CCND2: variants seen among roughly 807,000 people sequenced by gnomAD.
The protein encoded by CCND2 is cyclin D2, also known as G1/S-specific cyclin-D2.
CCND2 carries 6 observed loss-of-function variants against 30.2 expected under a neutral mutation model. That is an observed-to-expected ratio of 0.20 (90% CI 0.11 to 0.39). The LOEUF is 0.39. Among genes scored for constraint, CCND2 ranks in the 10% least tolerant of loss-of-function variants. The probability of loss-of-function intolerance (pLI) is 1.00; values close to 1 mark genes in which losing one functional copy is unlikely to be tolerated. For synonymous variants in CCND2, 150 were observed against 153.1 expected, an observed-to-expected ratio of 0.98 and a Z score of 0.15; for missense variants, 235 against 373.4, an observed-to-expected ratio of 0.63 and a Z score of 3.06.
rs3217795 is a variant in CCND2 at position 4,276,898 on chromosome 12, A to G, written c.411+678A>G. Among the ~76,000 whole-genome samples, 11,159 of 152,244 alleles carry G rather than the reference A, an allele frequency of 0.073. 472 individuals are homozygous for G. The highest frequency in any genetic ancestry group is 0.18 in the Middle Eastern group (53 of 294). ...ACTCCTTTTCCCTGCAGCTTGACATATAAGACGACCATATTGCAGCTGTAC... is the reference window on the plus strand; with the variant it reads ...ACTCCTTTTCCCTGCAGCTTGACATGTAAGACGACCATATTGCAGCTGTAC... On this transcript the variant is annotated intron_variant, in intron 2 of 4. Coordinates refer to ENST00000261254, the MANE Select transcript of CCND2 (RefSeq NM_001759.4). This position sits in a 1 kb window ranked among gnomAD's most constrained non-coding sequence, Gnocchi z 4.8.
chr12:4,296,778 C>T (rs781026661), intron 4 of CCND2, among the ~76,000 whole-genome samples: 6 of 151,570 alleles, frequency 4.0e-5, no homozygotes, highest in Non-Finnish European at 7.4e-5. Context: ...GAACATTACA[C>T]GTGAACTTCC....
intron 2 of CCND2, 21 bp from the exon 3 acceptor site, chr12:4,278,739 T>A: frequency 6.2e-7 from 1 of 1,612,856 alleles, no homozygotes; most frequent in South Asian, 1.1e-5. Flanking sequence ...TCTCCTCTTC[T>A]CTTCCTGCCT....
chr12:4,296,139 G>T (rs1018475904), intron 4 of CCND2, among the ~76,000 whole-genome samples: 1 of 152,258 alleles, frequency 6.6e-6, no homozygotes, highest in South Asian at 2.1e-4. Context: ...GCCTGAAACC[G>T]AGTTCTTTCG....
intron 3 of CCND2, among the ~76,000 whole-genome samples, chr12:4,280,515 T>C (rs1470537411): frequency 6.6e-6 from 1 of 152,254 alleles, no homozygotes; most frequent in African/African-American, 2.4e-5. Context: ...CCTGCAGCCC[T>C]GGGGGCGGTT....
intron 4 of CCND2, among the ~76,000 whole-genome samples, chr12:4,295,576 A>T (rs1834536558): frequency 6.6e-6 from 1 of 152,186 alleles, no homozygotes. Context: ...CAGGAGTTCG[A>T]GACCAGCCTG....
chr12:4,297,285 T>C (rs1864183409), intron 4 of CCND2, among the ~76,000 whole-genome samples: 2 of 152,136 alleles, frequency 1.3e-5, no homozygotes, highest in African/African-American at 4.8e-5. Context: ...AACATTATAC[T>C]TTCAGGCCGG....
At chr12:4,296,020 C>T (rs1864163825) in intron 4 of CCND2, among the ~76,000 whole-genome samples, 1 of 152,216 alleles carries the variant, frequency 6.6e-6, no homozygotes, top group South Asian at 2.1e-4. Context: ...CCAGTCCTCC[C>T]TGTAGGGTTT....
At chr12:4,297,884 G>A in intron 4 of CCND2, 2 of 448,204 alleles carry the variant, frequency 4.5e-6, no homozygotes, top group Non-Finnish European at 9.0e-6. Context: ...GGGTGGCACG[G>A]AGACTCCTGC....
In CCND2 at chr12:4,282,671, C is replaced by T. The variant is rs1283987348; in HGVS notation, c.571+3752C>T. ...AGCAGCCAGGCAGTGTGGTGCTTGCCATCGCTCTTCCCTCTGGCTGTAAGA... is the reference window on the plus strand; with the variant it reads ...AGCAGCCAGGCAGTGTGGTGCTTGCTATCGCTCTTCCCTCTGGCTGTAAGA... On this transcript the variant is annotated intron_variant, in intron 3 of 4. Transcript: ENST00000261254. This position sits in a 1 kb window ranked among gnomAD's most constrained non-coding sequence, Gnocchi z 4.3. Among the ~76,000 whole-genome samples, 3 of 152,212 alleles carry T rather than the reference C, an allele frequency of 2.0e-5. No homozygotes were observed. The highest frequency in any genetic ancestry group is 2.9e-5 in the Non-Finnish European group (2 of 68,034).
Position 4,305,264 on chromosome 12 carries a change from GT to G in CCND2, c.*5259del. On this transcript the variant is annotated 3_prime_UTR_variant, in exon 5 of 5. Transcript: ENST00000261254. This position sits in a 1 kb window ranked among gnomAD's most constrained non-coding sequence, Gnocchi z 6.4. The stretch of plus-strand genomic sequence containing the variant: ...AAGTGATTTAAAAAAATAATAACCT[GT>G]TTTCTGACTAGTTTAAAGATGGATT... The G allele has an allele frequency of 4.3e-6, 1 of 231,466 alleles. No homozygotes were observed. The highest frequency in any genetic ancestry group is 8.5e-6 in the Non-Finnish European group (1 of 116,980). 14.3% of individuals were successfully genotyped at this position (231,466 alleles called of 1,614,324 possible). A position where few individuals can be genotyped will look rare whatever the true frequency, so the allele number is the denominator to read the frequency against.
chr12:4,288,814 C>A, intron 3 of CCND2, 28 bp from the exon 4 acceptor site: 1 of 1,596,996 alleles, frequency 6.3e-7, no homozygotes, highest in South Asian at 1.1e-5. Context: ...GTTCTGTGCC[C>A]TGACCTTCTG....
At position 4,301,858 on chromosome 12, in the gene CCND2, C is replaced by G. The variant is rs1352418800; in HGVS notation, c.*1849C>G. ...GAAGTAGATGGTTGAGATATGAGTT[C>G]TTCGTACTGGAAAAGCCCTTCCGTA... On this transcript the variant is annotated 3_prime_UTR_variant, in exon 5 of 5. Coordinates refer to ENST00000261254, the MANE Select transcript of CCND2 (RefSeq NM_001759.4). The G allele has an allele frequency of 1.3e-5, 3 of 230,344 alleles. No individual in the cohort carries two copies. The highest frequency in any genetic ancestry group is 4.5e-5 in the African/African-American group (2 of 44,580). 14.3% of individuals were successfully genotyped at this position (230,344 alleles called of 1,614,324 possible).
rs972972351 is a variant in CCND2 at position 4,301,002 on chromosome 12, G to A, written c.*993G>A. 1 of 233,546 alleles carries A rather than the reference G, an allele frequency of 4.3e-6. No individual in the cohort carries two copies. The allele number at this position is 233,546 out of a possible 1,614,324, so 14.5% of individuals were successfully genotyped here. On this transcript the variant is annotated 3_prime_UTR_variant, in exon 5 of 5. Transcript: ENST00000261254. ...GCACTTTGAAAAATTGTTCCCGAGC[G>A]ATAGATGGGATGGTTTATGCAAGTC...
At chr12:4,277,655 T>C (rs796386846) in intron 2 of CCND2, among the ~76,000 whole-genome samples, 11 of 152,346 alleles carry the variant, frequency 7.2e-5, no homozygotes, top group African/African-American at 2.6e-4. Flanking sequence ...GGAAGAGTCC[T>C]ATTTTACAAA....
chr12:4,280,607 C>T (rs1863935536), intron 3 of CCND2, among the ~76,000 whole-genome samples: 1 of 151,174 alleles, frequency 6.6e-6, no homozygotes, highest in African/African-American at 2.5e-5. Flanking sequence ...GGCCCGGGCC[C>T]GAGAGGTCAG....
intron 3 of CCND2, among the ~76,000 whole-genome samples, chr12:4,279,221 T>C (rs1383667924): frequency 6.6e-6 from 1 of 152,240 alleles, no homozygotes; most frequent in Non-Finnish European, 1.5e-5. Context: ...GAAGATTACA[T>C]ATACTGCTCA....
chr12:4,301,713 GC>G lies in CCND2; in HGVS notation c.*1705del, dbSNP rs1461901823. 2 of 179,910 alleles carry G rather than the reference GC, an allele frequency of 1.1e-5. No homozygotes were observed. Among genetic ancestry groups the G allele is most frequent in the Non-Finnish European group, 2.3e-5 (2 of 86,298 alleles). The allele number at this position is 179,910 out of a possible 1,614,324, so 11.1% of individuals were successfully genotyped here. A position where few individuals can be genotyped will look rare whatever the true frequency, so the allele number is the denominator to read the frequency against. On this transcript the variant is annotated 3_prime_UTR_variant, in exon 5 of 5. Transcript: ENST00000261254. ...TTTTTTTTTTTTGCGCTGCTAAGAA[GC>G]TAAAGTCATCCATCCTTATTCACGT...
In CCND2 at chr12:4,274,157, G is replaced by T. The variant is rs1328275254; in HGVS notation, c.117G>T (p.Pro39=). ...TCACCATCGAGGAGCGCTACCTTCC[G>T]CAGTGCTCCTACTTCAAGTGCGTGC... ...NLLTIEERYL[P]QCSYFKCVQK... is the part of the protein sequence containing the mutation. Residue 39 remains proline, a synonymous_variant, in exon 1 of 5, where the codon CCG becomes CCT. Transcript: ENST00000261254. This position sits in a 1 kb window ranked among gnomAD's most constrained non-coding sequence, Gnocchi z 7.7. The T allele has an allele frequency of 6.2e-7, 1 of 1,614,078 alleles. No homozygotes were observed. Among genetic ancestry groups the T allele is most frequent in the Non-Finnish European group, 8.5e-7 (1 of 1,179,960 alleles).
intron 4 of CCND2, among the ~76,000 whole-genome samples, chr12:4,291,154 C>T (rs940444224): frequency 2.0e-5 from 3 of 150,070 alleles, no homozygotes; most frequent in Non-Finnish European, 2.9e-5. Context: ...GAGGCTGGTT[C>T]GCTCTCCCTG....
Sources: allele counts gnomAD v4.1 joint callset (sites outside exome capture counted in the v4.1 genomes callset), GRCh38; gene constraint gnomAD v4.1.1; non-coding constraint Gnocchi (gnomAD v3.1); transcripts MANE v1.5; gene names NCBI Gene and HGNC (gene_info 2026-07-23, HGNC 2026-07-21).